Variants in LNP1 observed in about 807,000 individuals in gnomAD.
LNP1 encodes the protein leukemia NUP98 fusion partner 1.
Under a neutral mutation model 14.5 loss-of-function variants are expected in LNP1, and 12 were observed. The observed-to-expected ratio is 0.83, with a 90% CI of 0.53 to 1.34. The LOEUF is 1.34. Ranked by LOEUF, LNP1 falls within the 40% of genes most tolerant of loss-of-function variation. The probability of loss-of-function intolerance (pLI) is 0.00; values close to 1 mark genes in which losing one functional copy is unlikely to be tolerated. For missense variants in LNP1, 198 were observed against 210.9 expected (o/e 0.94, Z 0.38); for synonymous variants, 75 against 71.4 (o/e 1.05, Z -0.26).
chr3:100,421,917 C>T (rs1394320530), intron 1 of LNP1, among the ~76,000 whole-genome samples: 2 of 152,080 alleles, frequency 1.3e-5, no homozygotes, highest in African/African-American at 4.8e-5. Flanking sequence ...AATTTATTTT[C>T]CTAAATGTTG....
chr3:100,455,109 A>G (rs1707498189), intron 3 of LNP1, among the ~76,000 whole-genome samples: 1 of 152,148 alleles, frequency 6.6e-6, no homozygotes, highest in Middle Eastern at 3.2e-3. Context: ...TACAGTTATC[A>G]TTGCACTTAT....
At chr3:100,420,724 T>C (rs1707135966) in intron 1 of LNP1, among the ~76,000 whole-genome samples, 1 of 152,200 alleles carries the variant, frequency 6.6e-6, no homozygotes, top group Admixed American at 6.5e-5. Flanking sequence ...TTTGTAAACA[T>C]TTTCCACCAG....
In LNP1 at chr3:100,455,917, G is replaced by A. The variant is rs1269677843; in HGVS notation, c.528G>A (p.Gly176=). The change falls in exon 4 of 4, where the codon GGG becomes GGA. Residue 176 remains glycine (G), a synonymous_variant. Coordinates refer to ENST00000383693, the MANE Select transcript of LNP1 (RefSeq NM_001085451.2). ...ACATGGCTCCCCTGTTTGAAAAAGG[G>A]CCTGAATAATACTCTGCTTCTGCCT... is the stretch of plus-strand genomic sequence containing the variant. ...EAHMAPLFEK[G]PE is the part of the protein sequence containing the mutation. 4 of 1,611,432 alleles carry A rather than the reference G, an allele frequency of 2.5e-6. No individual in the cohort carries two copies. The highest frequency in any genetic ancestry group is 3.4e-6 in the Non-Finnish European group (4 of 1,179,408).
intron 1 of LNP1, 98 bp downstream of exon 1, chr3:100,402,537 T>G (rs1167197803): frequency 6.6e-6 from 1 of 152,210 alleles, no homozygotes; most frequent in Non-Finnish European, 1.5e-5. Context: ...AGTTGATCGT[T>G]GCAGGCAATA....
chr3:100,451,689 AC>A lies in LNP1; in HGVS notation c.157-29del, dbSNP rs758568905. On this transcript the variant is annotated intron_variant, in intron 2 of 3. Transcript: ENST00000383693. ...TGCTAACATTGCACAGTCCTTTTAT[AC>A]TGTAAATTTTTTCATTCTGTATTCT... is the stretch of plus-strand genomic sequence containing the variant. 8 of 823,806 alleles carry A rather than the reference AC, an allele frequency of 9.7e-6. No homozygotes were observed. In the South Asian group the frequency reaches 1.7e-4, roughly 18 times the overall value. 51.0% of individuals were successfully genotyped at this position (823,806 alleles called of 1,614,324 possible). A position where few individuals can be genotyped will look rare whatever the true frequency, so the allele number is the denominator to read the frequency against.
At chr3:100,418,424 G>A (rs1375037573) in intron 1 of LNP1, among the ~76,000 whole-genome samples, 1 of 151,372 alleles carries the variant, frequency 6.6e-6, no homozygotes, top group East Asian at 1.9e-4. Flanking sequence ...GATCTGTTTT[G>A]TAGGTACTTT....
At chr3:100,448,063 C>G (rs1707404919) in intron 2 of LNP1, among the ~76,000 whole-genome samples, 1 of 150,166 alleles carries the variant, frequency 6.7e-6, no homozygotes, top group Non-Finnish European at 1.5e-5. Flanking sequence ...TATCCCATTA[C>G]TTTTACCTAA....
At chr3:100,433,788 G>GT (rs1707265670) in intron 2 of LNP1, among the ~76,000 whole-genome samples, 1 of 152,098 alleles carries the variant, frequency 6.6e-6, no homozygotes, top group Non-Finnish European at 1.5e-5. Flanking sequence ...TCTCATTGTG[G>GT]TTTTGATTTG....
intron 1 of LNP1, among the ~76,000 whole-genome samples, chr3:100,416,024 A>G (rs1380336105): frequency 3.3e-5 from 5 of 152,198 alleles, no homozygotes; most frequent in Admixed American, 6.5e-5. Flanking sequence ...CTTGTAATCT[A>G]TATTGGTAGA....
intron 3 of LNP1, among the ~76,000 whole-genome samples, chr3:100,455,377 A>G (rs58079517): frequency 0.19 from 29,266 of 152,160 alleles, 3,400 homozygotes; most frequent in Non-Finnish European, 0.26. Context: ...TGCAAACTCT[A>G]CTATTAAAGT....
In LNP1 at chr3:100,429,772, A is replaced by G. The variant is rs1465087871; in HGVS notation, c.43A>G (p.Lys15Glu). 1 of 1,613,866 alleles carries G rather than the reference A, an allele frequency of 6.2e-7. No individual in the cohort carries two copies. The highest frequency in any genetic ancestry group is 1.3e-5 in the African/African-American group (1 of 74,870). The change falls in exon 2 of 4, where the codon AAA becomes GAA. Residue 15 changes from lysine to glutamate, a missense_variant. Transcript: ENST00000383693. ...DDDDDDVSFA[K>E]WMSSFWGHSW... is the part of the protein sequence containing the mutation. ...TGATGATGATGATGTGTCTTTTGCC[A>G]AATGGATGAGCAGCTTCTGGGGCCA...
At chr3:100,448,902 A>G (rs1216287316) in intron 2 of LNP1, among the ~76,000 whole-genome samples, 1 of 152,180 alleles carries the variant, frequency 6.6e-6, no homozygotes, top group Non-Finnish European at 1.5e-5. Context: ...ATTCTTAATA[A>G]CCTGTTTCAC....
intron 1 of LNP1, among the ~76,000 whole-genome samples, chr3:100,405,725 A>G (rs778234074): frequency 2.0e-5 from 3 of 151,868 alleles, no homozygotes; most frequent in Non-Finnish European, 2.9e-5. Context: ...TCTTTTATTC[A>G]TTTCCTTCAT....
chr3:100,421,657 A>G (rs986530636), intron 1 of LNP1, among the ~76,000 whole-genome samples: 10 of 152,170 alleles, frequency 6.6e-5, no homozygotes, highest in Non-Finnish European at 1.2e-4. Context: ...ATGTTATGTG[A>G]ACAAACATCC....
intron 1 of LNP1, among the ~76,000 whole-genome samples, chr3:100,426,322 A>G (rs1707192524): frequency 6.6e-6 from 1 of 152,178 alleles, no homozygotes; most frequent in African/African-American, 2.4e-5. Flanking sequence ...AGATTGGAAC[A>G]ATCCCTCACA....
chr3:100,448,104 T>G (rs1319609583), intron 2 of LNP1, among the ~76,000 whole-genome samples: 3 of 152,352 alleles, frequency 2.0e-5, no homozygotes, highest in African/African-American at 7.2e-5. Flanking sequence ...ACCTAATTTA[T>G]GAAAACTGTG....
chr3:100,429,649 G>A, intron 1 of LNP1, 48 bp from the exon 2 acceptor site: 1 of 1,264,486 alleles, frequency 7.9e-7, no homozygotes, highest in South Asian at 1.4e-5. Context: ...GAGATCCTGG[G>A]TTTCATTGTC....
At chr3:100,423,218 T>C (rs1275685182) in intron 1 of LNP1, among the ~76,000 whole-genome samples, 1 of 152,226 alleles carries the variant, frequency 6.6e-6, no homozygotes, top group African/African-American at 2.4e-5. Context: ...TAGCATTTCC[T>C]TTCTAGAATG....
chr3:100,418,564 G>T (rs1707111482), intron 1 of LNP1, among the ~76,000 whole-genome samples: 1 of 152,054 alleles, frequency 6.6e-6, no homozygotes, highest in Non-Finnish European at 1.5e-5. Context: ...CTCTTAGAAT[G>T]ACATAGGGTG....
Sources: allele counts gnomAD v4.1 joint callset (sites outside exome capture counted in the v4.1 genomes callset), GRCh38; gene constraint gnomAD v4.1.1; transcripts MANE v1.5; gene names NCBI Gene and HGNC (gene_info 2026-07-23, HGNC 2026-07-21).